The following TANC2 variants were observed in gnomAD, a reference collection of about 807,000 sequenced individuals.
TANC2 encodes the protein protein TANC2.
In TANC2, 26 loss-of-function variants were observed where a neutral mutation model predicts 210.5. That is an observed-to-expected ratio of 0.12 (90% CI 0.09 to 0.17). The LOEUF (loss-of-function observed/expected upper bound fraction) is 0.17, where lower values mean the gene tolerates loss of function less well. Among genes scored for constraint, TANC2 ranks in the 10% least tolerant of loss-of-function variants. The pLI is 1.00. For missense variants in TANC2, 2,129 were observed against 2,608.9 expected (o/e 0.82, Z 4.01); for synonymous variants, 931 against 967.1 (o/e 0.96, Z 0.69).
At chr17:63,315,253 G>A (rs983194188) in intron 10 of TANC2, among the ~76,000 whole-genome samples, 2 of 152,088 alleles carry the variant, frequency 1.3e-5, no homozygotes, top group African/African-American at 4.8e-5. Context: ...CACTCATATG[G>A]TACTTACTAT....
intron 8 of TANC2, among the ~76,000 whole-genome samples, chr17:63,263,700 C>T (rs1399037385): frequency 6.6e-6 from 1 of 152,150 alleles, no homozygotes; most frequent in Non-Finnish European, 1.5e-5. Context: ...AGTCAGCAAG[C>T]CTGTTCTTGA....
chr17:63,401,279 A>G (rs1380295172), intron 19 of TANC2, among the ~76,000 whole-genome samples: 1 of 152,202 alleles, frequency 6.6e-6, no homozygotes, highest in Non-Finnish European at 1.5e-5. Context: ...CTAAGTGACA[A>G]TTTTTAACCT....
intron 18 of TANC2, chr17:63,396,429 T>C (rs981732148): frequency 1.2e-5 from 2 of 160,712 alleles, no homozygotes; most frequent in African/African-American, 4.8e-5. Context: ...TAAGGGATGC[T>C]TGGTAAACTG....
chr17:63,362,513 T>C (rs1263440150), intron 14 of TANC2, among the ~76,000 whole-genome samples: 1 of 152,064 alleles, frequency 6.6e-6, no homozygotes, highest in East Asian at 1.9e-4. Flanking sequence ...AGGCTGTTCA[T>C]GCCGAGAGGC....
intron 20 of TANC2, 65 bp from the exon 21 acceptor site, chr17:63,406,089 T>A: frequency 6.3e-7 from 1 of 1,595,068 alleles, no homozygotes; most frequent in South Asian, 1.1e-5. Context: ...TAAGAGATAG[T>A]GTGCACGTGT....
At chr17:63,135,581 A>G (rs551381878) in intron 4 of TANC2, among the ~76,000 whole-genome samples, 3 of 152,242 alleles carry the variant, frequency 2.0e-5, no homozygotes, top group African/African-American at 7.2e-5. Context: ...GGAAGGCCAT[A>G]TATTACAAAA....
chr17:63,216,238 G>A (rs977475606), intron 7 of TANC2, among the ~76,000 whole-genome samples: 3 of 151,712 alleles, frequency 2.0e-5, no homozygotes, highest in African/African-American at 7.3e-5. Flanking sequence ...TAGTAGAGAC[G>A]GGGTTTCACC....
chr17:63,030,087 C>T (rs1486971247), intron 2 of TANC2, among the ~76,000 whole-genome samples: 1 of 152,050 alleles, frequency 6.6e-6, no homozygotes, highest in East Asian at 1.9e-4. Flanking sequence ...GGGTTTTAAA[C>T]TGGTAAGTAA....
chr17:63,397,692 G>T (rs901067738), intron 18 of TANC2, among the ~76,000 whole-genome samples: 1 of 152,174 alleles, frequency 6.6e-6, no homozygotes, highest in African/African-American at 2.4e-5. Flanking sequence ...ATGTTGTGAT[G>T]TAATATTCCC....
rs187205392 is a variant in TANC2 at position 63,215,930 on chromosome 17, G to C, written c.769+14973G>C. ...ACGCCCAGCTAATTTTTTGTATTTTGTTAGTAGAGATGGGGTTTCACCGTG... is the reference window on the plus strand; with the variant it reads ...ACGCCCAGCTAATTTTTTGTATTTTCTTAGTAGAGATGGGGTTTCACCGTG... On this transcript the variant is annotated intron_variant, in intron 7 of 27. Coordinates refer to ENST00000689528, the Ensembl canonical transcript of TANC2. Among the ~76,000 whole-genome samples, 20 of 151,688 alleles carry C rather than the reference G, an allele frequency of 1.3e-4. No homozygotes were observed. In the East Asian group the frequency reaches 3.5e-3, roughly 27 times the overall value.
intron 5 of TANC2, chr17:63,182,558 G>C (rs1194364578): frequency 4.3e-6 from 1 of 230,754 alleles, no homozygotes; most frequent in Non-Finnish European, 9.0e-6. Flanking sequence ...AATCAAAGGG[G>C]TTCCTGAAGA....
At chr17:63,353,700 G>A (rs529761535) in intron 13 of TANC2, among the ~76,000 whole-genome samples, 1 of 152,060 alleles carries the variant, frequency 6.6e-6, no homozygotes, top group South Asian at 2.1e-4. Context: ...GCAAAAAAGG[G>A]AAGGTTAAAA....
intron 9 of TANC2, among the ~76,000 whole-genome samples, chr17:63,281,805 CAG>C (rs1235135222): frequency 2.6e-5 from 4 of 152,026 alleles, no homozygotes. Flanking sequence ...AGAAGTCACA[CAG>C]AAGTACACAA....
chr17:63,059,933 C>T (rs1308964999), intron 2 of TANC2, among the ~76,000 whole-genome samples: 4 of 152,076 alleles, frequency 2.6e-5, no homozygotes, highest in Non-Finnish European at 5.9e-5. Flanking sequence ...TAGACATGTC[C>T]ACTGCTACTG....
chr17:63,163,343 G>A (rs1264068029), intron 5 of TANC2, among the ~76,000 whole-genome samples: 1 of 152,120 alleles, frequency 6.6e-6, no homozygotes, highest in Non-Finnish European at 1.5e-5. Context: ...AGGGGAGGAA[G>A]TCAACAAACT....
At position 63,339,386 on chromosome 17, in the gene TANC2, A is replaced by G. The variant is rs564065299; in HGVS notation, c.1576-715A>G. On this transcript the variant is annotated intron_variant, in intron 11 of 27. Transcript: ENST00000689528. ...GAGTGCTGTGCAGATTCTAACAAAC[A>G]AAAAACAGACCCTAGAACTCCAGGT... is the stretch of plus-strand genomic sequence containing the variant. 1.7e-3 allele frequency among the ~76,000 whole-genome samples: 253 copies of G among 152,322 alleles called. 3 individuals carry two copies. Among genetic ancestry groups the G allele is most frequent in the South Asian group, 1.7e-3 (8 of 4,828 alleles).
At chr17:63,066,288 A>T (rs1271746234) in intron 2 of TANC2, among the ~76,000 whole-genome samples, 1 of 152,038 alleles carries the variant, frequency 6.6e-6, no homozygotes, top group African/African-American at 2.4e-5. Flanking sequence ...TGCCTATAGC[A>T]TCAGGTCCCT....
chr17:63,235,181 T>G (rs924756275), intron 7 of TANC2, among the ~76,000 whole-genome samples: 3 of 152,118 alleles, frequency 2.0e-5, no homozygotes, highest in Non-Finnish European at 4.4e-5. Context: ...ATTTTCTGAG[T>G]TTCAGAAACT....
intron 5 of TANC2, among the ~76,000 whole-genome samples, chr17:63,181,023 CAAAAAAAAAAAAAAAAA>C (rs1171748208): frequency 3.3e-5 from 1 of 30,644 alleles, no homozygotes; most frequent in Non-Finnish European, 6.5e-5. Flanking sequence ...GACTCCATCT[CAAAAAAAAAAAAAAAAA>C]AAAAAAAAAA....
Sources: gnomAD v4.1 joint callset for allele counts (sites outside exome capture counted in the v4.1 genomes callset) on GRCh38, gnomAD v4.1.1 for gene constraint, MANE v1.5 for transcripts, NCBI Gene and HGNC (gene_info 2026-07-23, HGNC 2026-07-21) for gene names.